BRINP3: variants seen among roughly 807,000 people sequenced by gnomAD.
BRINP3 encodes BMP/retinoic acid-inducible neural-specific protein 3.
BRINP3 carries 19 observed loss-of-function variants against 71.0 expected under a neutral mutation model. The ratio of observed to expected loss-of-function variants is 0.27; its 90% CI spans 0.19 to 0.39. The LOEUF is 0.39. Ranked by LOEUF, BRINP3 falls within the 10% of genes least tolerant of loss-of-function variation. BRINP3 has a pLI of 1.00. For synonymous variants in BRINP3, 380 were observed against 337.7 expected (o/e 1.13, Z -1.37); for missense variants, 959 against 940.8 (o/e 1.02, Z -0.25).
At chr1:190,447,612 C>G (rs1423618813) in intron 2 of BRINP3, among the ~76,000 whole-genome samples, 1 of 148,262 alleles carries the variant, frequency 6.7e-6, no homozygotes, top group Non-Finnish European at 1.5e-5. Flanking sequence ...AGCTCTCTCT[C>G]TCTCTCTCTC....
At chr1:190,106,442 C>A (rs1378332302) in intron 7 of BRINP3, among the ~76,000 whole-genome samples, 1 of 151,496 alleles carries the variant, frequency 6.6e-6, no homozygotes, top group Non-Finnish European at 1.5e-5. Context: ...AAAATCTAAA[C>A]AATAAATTTT....
chr1:190,181,373 A>G (rs1456279306), intron 6 of BRINP3, among the ~76,000 whole-genome samples: 1 of 151,962 alleles, frequency 6.6e-6, no homozygotes, highest in Non-Finnish European at 1.5e-5. Context: ...AAAATAAACC[A>G]TTTCCATTTC....
intron 6 of BRINP3, among the ~76,000 whole-genome samples, chr1:190,170,165 C>T (rs1651890479): frequency 6.6e-6 from 1 of 151,842 alleles, no homozygotes; most frequent in African/African-American, 2.4e-5. Context: ...TCATAATAAC[C>T]ATGAGGTAGG....
chr1:190,101,579 T>C (rs1313567540), intron 7 of BRINP3, among the ~76,000 whole-genome samples: 1 of 152,180 alleles, frequency 6.6e-6, no homozygotes, highest in African/African-American at 2.4e-5. Context: ...TTTTCATTGC[T>C]ACCTTTCTCT....
At chr1:190,456,745 C>T (rs1019873174) in intron 1 of BRINP3, among the ~76,000 whole-genome samples, 14 of 151,766 alleles carry the variant, frequency 9.2e-5, no homozygotes, top group Admixed American at 2.6e-4. Flanking sequence ...TACATTTAAA[C>T]GGGCAAAATT....
At chr1:190,321,479 G>T (rs1430866697) in intron 2 of BRINP3, among the ~76,000 whole-genome samples, 4 of 151,974 alleles carry the variant, frequency 2.6e-5, no homozygotes, top group African/African-American at 7.2e-5. Flanking sequence ...ATAAAAATGA[G>T]ACTTCTATAT....
intron 2 of BRINP3, among the ~76,000 whole-genome samples, chr1:190,282,084 A>T (rs972150880): frequency 3.3e-5 from 5 of 151,800 alleles, no homozygotes; most frequent in African/African-American, 7.3e-5. Flanking sequence ...CTTAAGGGCA[A>T]TTTTTTTCAT....
intron 6 of BRINP3, among the ~76,000 whole-genome samples, chr1:190,189,686 T>C (rs1046060620): frequency 8.5e-5 from 13 of 152,140 alleles, no homozygotes; most frequent in African/African-American, 2.9e-4. Flanking sequence ...TTATCTAGAT[T>C]CTCTTAAAAT....
At chr1:190,432,748 T>C (rs1572032238) in intron 2 of BRINP3, among the ~76,000 whole-genome samples, 1 of 152,278 alleles carries the variant, frequency 6.6e-6, no homozygotes, top group Middle Eastern at 3.4e-3. Context: ...CTGTGGAAAT[T>C]TGTGCATTTG....
intron 6 of BRINP3, among the ~76,000 whole-genome samples, chr1:190,217,913 C>T (rs1656546330): frequency 6.6e-6 from 1 of 151,924 alleles, no homozygotes; most frequent in Admixed American, 6.6e-5. Flanking sequence ...ATGAATGTTC[C>T]AGATCAAATA....
intron 2 of BRINP3, among the ~76,000 whole-genome samples, chr1:190,444,271 A>T (rs546582406): frequency 0.013 from 1,779 of 133,288 alleles, 49 homozygotes; most frequent in African/African-American, 0.046. Flanking sequence ...AAAAAAAAAA[A>T]TCCCTTTGTT....
chr1:190,208,468 CTTTA>C (rs964455113), intron 6 of BRINP3, among the ~76,000 whole-genome samples: 14 of 151,860 alleles, frequency 9.2e-5, no homozygotes, highest in African/African-American at 2.2e-4. Context: ...GAACCATGTA[CTTTA>C]TTTATTTATT....
At chr1:190,332,486 C>T (rs879570250) in intron 2 of BRINP3, among the ~76,000 whole-genome samples, 1 of 152,016 alleles carries the variant, frequency 6.6e-6, no homozygotes, top group Non-Finnish European at 1.5e-5. Context: ...TACCTGTTCA[C>T]CTTTTCCAGG....
At chr1:190,126,016 A>G (rs1335262625) in intron 7 of BRINP3, among the ~76,000 whole-genome samples, 2 of 151,824 alleles carry the variant, frequency 1.3e-5, no homozygotes, top group Non-Finnish European at 2.9e-5. Flanking sequence ...TGTGAAAAAT[A>G]CTCGTATCCT....
rs140612710 is a variant in BRINP3 at position 190,368,870 on chromosome 1, G to A, written c.236+85785C>T. On this transcript the variant is annotated intron_variant, in intron 2 of 7. Transcript: ENST00000367462. Reference sequence around the variant, plus strand: ...GACATATAGATTAGAAGGTTTATAAGCTCTGGAAAACTTCGTAATTTTGAC... The same window carrying A: ...GACATATAGATTAGAAGGTTTATAAACTCTGGAAAACTTCGTAATTTTGAC... Among the ~76,000 whole-genome samples the A allele has an allele frequency of 1.0e-3, 154 of 152,234 alleles. 1 individual carries two copies. Among genetic ancestry groups the A allele is most frequent in the African/African-American group, 3.6e-3 (148 of 41,532 alleles).
At chr1:190,174,489 A>G (rs1361235277) in intron 6 of BRINP3, among the ~76,000 whole-genome samples, 1 of 152,124 alleles carries the variant, frequency 6.6e-6, no homozygotes, top group Non-Finnish European at 1.5e-5. Flanking sequence ...TGATATATAT[A>G]TGAGATATTG....
At chr1:190,428,890 A>T (rs1361028215) in intron 2 of BRINP3, among the ~76,000 whole-genome samples, 2 of 152,104 alleles carry the variant, frequency 1.3e-5, no homozygotes, top group Admixed American at 6.6e-5. Context: ...AATTTAAAGC[A>T]TTTAATTGGA....
chr1:190,446,695 A>T (rs1675242152), intron 2 of BRINP3, among the ~76,000 whole-genome samples: 1 of 152,052 alleles, frequency 6.6e-6, no homozygotes, highest in South Asian at 2.1e-4. Flanking sequence ...CAAAGGATCT[A>T]CAGACATCTA....
Position 190,265,052 on chromosome 1 carries a change from T to C in BRINP3, c.431A>G (p.Glu144Gly). 1.9e-6 allele frequency: 3 copies of C among 1,589,656 alleles called. No homozygotes were observed. Among genetic ancestry groups the C allele is most frequent in the Non-Finnish European group, 2.6e-6 (3 of 1,172,756 alleles). The change falls in exon 4 of 8, where the codon GAG becomes GGG. Residue 144 changes from glutamate (E) to glycine (G), a missense_variant. By Grantham distance (98) the Glu-to-Gly change is moderately conservative. Coordinates refer to ENST00000367462, the MANE Select transcript of BRINP3 (RefSeq NM_199051.3). ...HFLLSATLGG[E>G]ESLTIFVDKR... ...GTCCACAAAAATTGTGAGTGACTCC[T>C]CTCCTGCATTAATAATATTTCAAAT...
Sources: gnomAD v4.1 joint callset for allele counts (sites outside exome capture counted in the v4.1 genomes callset) on GRCh38, gnomAD v4.1.1 for gene constraint, MANE v1.5 for transcripts, NCBI Gene and HGNC (gene_info 2026-07-23, HGNC 2026-07-21) for gene names.